Variants in LRRC7 observed in about 807,000 individuals in gnomAD.
LRRC7 encodes leucine rich repeat containing 7.
A neutral mutation model predicts 175.7 loss-of-function variants in LRRC7; 23 were observed. That is an observed-to-expected ratio of 0.13 (90% CI 0.09 to 0.19). The LOEUF (loss-of-function observed/expected upper bound fraction) is 0.19. Among genes scored for constraint, LRRC7 ranks in the 10% least tolerant of loss-of-function variants. The pLI, the probability that LRRC7 is intolerant of heterozygous loss-of-function variation, is 1.00. For missense variants in LRRC7, 1,354 were observed against 1,904.7 expected (o/e 0.71, Z 5.38); for synonymous variants, 685 against 680.9 (o/e 1.01, Z -0.09).
intron 3 of LRRC7, among the ~76,000 whole-genome samples, chr1:69,772,314 G>A (rs748515470): frequency 3.9e-5 from 6 of 152,064 alleles, no homozygotes; most frequent in Non-Finnish European, 7.4e-5. Flanking sequence ...AGGCAAAGGG[G>A]ACACTCTAAG....
intron 2 of LRRC7, among the ~76,000 whole-genome samples, chr1:69,756,979 G>T (rs751580630): frequency 6.6e-5 from 10 of 151,836 alleles, no homozygotes; most frequent in Non-Finnish European, 1.3e-4. Context: ...AATTCAGGGG[G>T]AAAAACCCCT....
chr1:69,748,814 A>G (rs562356102), intron 2 of LRRC7, among the ~76,000 whole-genome samples: 68 of 152,250 alleles, frequency 4.5e-4, no homozygotes, highest in Non-Finnish European at 7.1e-4. Flanking sequence ...CTATCTGACT[A>G]CTTCTGCTCT....
intron 1 of LRRC7, among the ~76,000 whole-genome samples, chr1:69,638,160 ACT>A: frequency 6.6e-6 from 1 of 151,920 alleles, no homozygotes. Context: ...GAAAGTATGC[ACT>A]GTCTCAATGT....
intron 2 of LRRC7, among the ~76,000 whole-genome samples, chr1:69,738,213 C>G (rs1486399938): frequency 6.6e-6 from 1 of 151,956 alleles, no homozygotes. Flanking sequence ...TTACTTCACT[C>G]AGCTTTGTTT....
At chr1:70,035,751 T>C (rs188861039) in intron 18 of LRRC7, among the ~76,000 whole-genome samples, 1 of 152,122 alleles carries the variant, frequency 6.6e-6, no homozygotes, top group Non-Finnish European at 1.5e-5. Context: ...ATACTGCTCA[T>C]ATATGGCTTA....
intron 3 of LRRC7, among the ~76,000 whole-genome samples, chr1:69,776,031 C>T (rs1672770187): frequency 6.6e-6 from 1 of 152,080 alleles, no homozygotes; most frequent in African/African-American, 2.4e-5. Context: ...CAAAGAGCAG[C>T]CCAAAGTGAA....
chr1:69,755,274 T>A (rs1670282723), intron 2 of LRRC7, among the ~76,000 whole-genome samples: 2 of 151,172 alleles, frequency 1.3e-5, no homozygotes, highest in South Asian at 2.1e-4. Flanking sequence ...TTGAAATGAA[T>A]CTCTCACTTT....
chr1:69,974,984 AATT>A (rs962184305), intron 8 of LRRC7, among the ~76,000 whole-genome samples: 10 of 152,174 alleles, frequency 6.6e-5, no homozygotes, highest in Non-Finnish European at 1.5e-4. Context: ...TTCCAGAGGA[AATT>A]ATTATCAGAT....
chr1:69,984,381 A>G (rs935911214), intron 9 of LRRC7, among the ~76,000 whole-genome samples: 3 of 152,180 alleles, frequency 2.0e-5, no homozygotes, highest in Non-Finnish European at 4.4e-5. Context: ...TAATAAATTT[A>G]TGTATTTATT....
intron 10 of LRRC7, among the ~76,000 whole-genome samples, chr1:69,986,804 G>A (rs1460802403): frequency 6.6e-6 from 1 of 152,020 alleles, no homozygotes; most frequent in East Asian, 1.9e-4. Flanking sequence ...TATAATGTAG[G>A]AGTAACATAT....
At chr1:69,637,781 G>C (rs1330850866) in intron 1 of LRRC7, among the ~76,000 whole-genome samples, 1 of 151,816 alleles carries the variant, frequency 6.6e-6, no homozygotes, top group Non-Finnish European at 1.5e-5. Flanking sequence ...TATGTCAACT[G>C]TTGATTTTCT....
intron 5 of LRRC7, among the ~76,000 whole-genome samples, chr1:69,831,917 T>TA (rs1680568766): frequency 6.6e-6 from 1 of 152,086 alleles, no homozygotes; most frequent in Admixed American, 6.6e-5. Flanking sequence ...GTAGAGAAGA[T>TA]AAAAAATTGT....
At chr1:69,895,724 G>A (rs1478238122) in intron 7 of LRRC7, among the ~76,000 whole-genome samples, 1 of 152,126 alleles carries the variant, frequency 6.6e-6, no homozygotes, top group Non-Finnish European at 1.5e-5. Flanking sequence ...TTCTTTCACT[G>A]AGCATAATTA....
intron 2 of LRRC7, among the ~76,000 whole-genome samples, chr1:69,704,336 G>A (rs1185388295): frequency 3.3e-5 from 5 of 151,850 alleles, no homozygotes; most frequent in Admixed American, 2.6e-4. Context: ...GGCAGTTACC[G>A]ACCCCATGAT....
chr1:69,718,912 T>G (rs1247872936), intron 2 of LRRC7, among the ~76,000 whole-genome samples: 1 of 151,890 alleles, frequency 6.6e-6, no homozygotes, highest in East Asian at 1.9e-4. Flanking sequence ...AATCCAACTT[T>G]CGATGCCAGA....
At chr1:69,886,258 CT>C (rs1345986159) in intron 7 of LRRC7, among the ~76,000 whole-genome samples, 1 of 151,808 alleles carries the variant, frequency 6.6e-6, no homozygotes, top group Non-Finnish European at 1.5e-5. Context: ...GTCTAAGTCT[CT>C]TTGTAGGTCA....
chr1:69,725,842 GT>G (rs1666916537), intron 2 of LRRC7, among the ~76,000 whole-genome samples: 1 of 152,152 alleles, frequency 6.6e-6, no homozygotes. Flanking sequence ...CAGCAGCTTG[GT>G]TTCTGTGCCC....
chr1:69,764,929 T>C (rs1671465712), intron 3 of LRRC7, among the ~76,000 whole-genome samples: 1 of 152,000 alleles, frequency 6.6e-6, no homozygotes. Context: ...AGTAAGATTA[T>C]GTAACATCTC....
At position 69,672,889 on chromosome 1, in the gene LRRC7, G is replaced by A. The variant is rs77103697; in HGVS notation, c.3-5492G>A. On this transcript the variant is annotated intron_variant, in intron 1 of 26. Coordinates refer to ENST00000651989, the MANE Select transcript of LRRC7 (RefSeq NM_001370785.2). ...GATAATGTTAATGAGCAGCCTGTCG[G>A]TTCCTGTGAGTGACCTCCAGGCAAC... is the stretch of plus-strand genomic sequence containing the variant. Among the ~76,000 whole-genome samples, 919 of 152,254 alleles carry A rather than the reference G, an allele frequency of 6.0e-3. 10 individuals carry two copies. Among genetic ancestry groups the A allele is most frequent in the African/African-American group, 0.021 (862 of 41,542 alleles).
Sources: allele counts gnomAD v4.1 joint callset (sites outside exome capture counted in the v4.1 genomes callset), GRCh38; gene constraint gnomAD v4.1.1; transcripts MANE v1.5; gene names NCBI Gene and HGNC (gene_info 2026-07-23, HGNC 2026-07-21).